HECTD3: variants seen among roughly 807,000 people sequenced by gnomAD.
HECTD3 encodes the protein E3 ubiquitin-protein ligase HECTD3.
A neutral mutation model predicts 109.3 loss-of-function variants in HECTD3; 72 were observed. The ratio of observed to expected loss-of-function variants is 0.66; its 90% confidence interval spans 0.54 to 0.80. The LOEUF (loss-of-function observed/expected upper bound fraction) is 0.80, where lower values mean the gene tolerates loss of function less well. Ranked by LOEUF, HECTD3 falls within the 30% of genes least tolerant of loss-of-function variation. The pLI is 0.00. For missense variants in HECTD3, 1,041 were observed against 1,165.2 expected (o/e 0.89, Z 1.55); for synonymous variants, 481 against 471.8 (o/e 1.02, Z -0.25).
chr1:45,007,573 A>T lies in HECTD3; in HGVS notation c.1343T>A (p.Leu448Gln). The T allele has an allele frequency of 1.2e-6, 2 of 1,611,770 alleles. No homozygotes were observed. The highest frequency in any genetic ancestry group is 1.7e-6 in the Non-Finnish European group (2 of 1,179,970). ...CACCAGGCCTGGCCGCTGGCGGGAC[A>T]GCAGTAGGAACTGCTTCACTTGCTA... ...EIKQVKQFLLLSRQRPGLVAQ... is the reference protein window; with the variant it reads ...EIKQVKQFLLQSRQRPGLVAQ... The change falls in exon 10 of 21, where the codon CTG becomes CAG. Residue 448 changes from leucine (L) to glutamine (Q), a missense_variant. By Grantham distance (113) the Leu-to-Gln change is moderately radical (BLOSUM62 -2). This residue lies in a region of HECTD3 where 569 missense variants were observed against 715.3 expected (regional missense o/e 0.80). Transcript: ENST00000372172.
At position 45,004,268 on chromosome 1, in the gene HECTD3, A is replaced by G; in HGVS notation, c.2252T>C (p.Val751Ala). ...KKVCGDPEVT[V>A]DALRKLTRFE... ...CTCACTGAGCTTGCGCAGAGCATCC[A>G]CAGTGACCTCTGGATCCCCACACAC... The change falls in exon 17 of 21, where the codon GTG becomes GCG. Residue 751 changes from valine (V) to alanine (A), a missense_variant. Physicochemically the swap from Val to Ala is moderately conservative, Grantham distance 64. Coordinates refer to ENST00000372172, the MANE Select transcript of HECTD3 (RefSeq NM_024602.6). 6.2e-7 allele frequency: 1 copy of G among 1,614,034 alleles called. No individual in the cohort carries two copies. The highest frequency in any genetic ancestry group is 8.5e-7 in the Non-Finnish European group (1 of 1,179,896).
chr1:45,004,379 T>C lies in HECTD3; in HGVS notation c.2143-2A>G. The C allele has an allele frequency of 6.2e-7, 1 of 1,614,010 alleles. No homozygotes were observed. Among genetic ancestry groups the C allele is most frequent in the Middle Eastern group, 1.6e-4 (1 of 6,062 alleles). The stretch of plus-strand genomic sequence containing the variant: ...CAGACCTGCCTGCATAGCTGCCACC[T>C]GGGGAGTGGGTAAAAAGGCTTGGCT... On this transcript the variant is annotated splice_acceptor_variant, in intron 16 of 20. Coordinates refer to ENST00000372172, the MANE Select transcript of HECTD3 (RefSeq NM_024602.6). LOFTEE classifies it high-confidence loss of function.
At position 45,011,041 on chromosome 1, in the gene HECTD3, G is replaced by A. The variant is rs948863674; in HGVS notation, c.217C>T (p.Leu73=). 23 of 1,428,348 alleles carry A rather than the reference G, an allele frequency of 1.6e-5. No homozygotes were observed. In the East Asian group the frequency reaches 6.0e-4, roughly 37 times the overall value. The allele number at this position is 1,428,348 out of a possible 1,614,324, so 88.5% of individuals were successfully genotyped here. A position where few individuals can be genotyped will look rare whatever the true frequency, so the allele number is the denominator to read the frequency against. Residue 73 remains leucine (L), a synonymous_variant, in exon 1 of 21, where the codon CTG becomes TTG. Transcript: ENST00000372172. ...LPVWEAEGLG[L]RVGAAGPAPG... is the part of the protein sequence containing the mutation. ...GCTGGGCCTGCGGCGCCCACACGCAGCCCCAGGCCCTCTGCCTCCCACACC... is the reference window on the plus strand; with the variant it reads ...GCTGGGCCTGCGGCGCCCACACGCAACCCCAGGCCCTCTGCCTCCCACACC...
Position 45,003,483 on chromosome 1 carries a change from C to T in HECTD3, c.*9G>A, listed in dbSNP as rs11548990. 0.063 allele frequency: 101,585 copies of T among 1,612,460 alleles called. 3,491 individuals are homozygous for T. The highest frequency in any genetic ancestry group is 0.12 in the East Asian group (5,176 of 44,830). ...GCAGTCTTGCTGGTCCCACAGCCGGCGGCACGCCTCACTCCTCCCAAGGGC... is the reference window on the plus strand; with the variant it reads ...GCAGTCTTGCTGGTCCCACAGCCGGTGGCACGCCTCACTCCTCCCAAGGGC... On this transcript the variant is annotated 3_prime_UTR_variant, in exon 21 of 21. Transcript: ENST00000372172. The surrounding 1 kb of genome is among the most constrained non-coding windows in gnomAD (Gnocchi z 4.7).
rs774311737 is a variant in HECTD3, at chr1:45,006,038, C to T, written c.1804G>A (p.Gly602Arg). 8 of 1,614,146 alleles carry T rather than the reference C, an allele frequency of 5.0e-6. No homozygotes were observed. The highest frequency in any genetic ancestry group is 5.9e-6 in the Non-Finnish European group (7 of 1,180,038). ...CGAAGGGCAGCCCCCATCAGCTGTC[C>T]GATCCATTCATACTTGGCAAAGTCT... ...CRDFAKYEWI[G>R]QLMGAALRGK... is the part of the protein sequence containing the mutation. Residue 602 changes from glycine (G) to arginine (R), a missense_variant, in exon 14 of 21, where the codon GGA becomes AGA. Physicochemically the swap from Gly to Arg is moderately radical, Grantham distance 125. Transcript: ENST00000372172. The surrounding 1 kb of genome is among the most constrained non-coding windows in gnomAD (Gnocchi z 4.7).
At chr1:45,008,191 T>C in intron 9 of HECTD3, 49 bp downstream of exon 9, 1 of 1,427,638 alleles carries the variant, frequency 7.0e-7, no homozygotes, top group Non-Finnish European at 9.9e-7. Flanking sequence ...AACAACTACG[T>C]GAGCAGGAAG....
chr1:45,007,090 G>A, intron 11 of HECTD3, 75 bp from the exon 12 acceptor site: 2 of 1,580,528 alleles, frequency 1.3e-6, no homozygotes, highest in African/African-American at 1.3e-5. Context: ...GAGACCACCT[G>A]GGAAAAGCAG....
chr1:45,008,189 C>T (rs1236034365), intron 9 of HECTD3, 51 bp downstream of exon 9: 29 of 1,407,154 alleles, frequency 2.1e-5, no homozygotes, highest in Non-Finnish European at 2.8e-5. Flanking sequence ...TGAACAACTA[C>T]GTGAGCAGGA....
chr1:45,008,454 C>A, intron 8 of HECTD3, 82 bp downstream of exon 8: 2 of 1,530,988 alleles, frequency 1.3e-6, no homozygotes, highest in South Asian at 1.1e-5. Flanking sequence ...TACTATGAGA[C>A]CTTGGGAACC....
At chr1:45,007,142 G>A in intron 11 of HECTD3, 77 bp downstream of exon 11, 4 of 1,431,108 alleles carry the variant, frequency 2.8e-6, no homozygotes, top group South Asian at 1.2e-5. Context: ...GTGTGTGTGT[G>A]TGTGTGTGTG....
chr1:45,004,983 G>T, intron 15 of HECTD3, 177 bp from the exon 16 acceptor site: 2 of 634,822 alleles, frequency 3.2e-6, no homozygotes, highest in Non-Finnish European at 5.6e-6. Flanking sequence ...CACCTAACCA[G>T]CCTTGGAGGC....
In HECTD3 at chr1:45,004,428, C is replaced by T. The variant is rs774418565; in HGVS notation, c.2143-51G>A. On this transcript the variant is annotated intron_variant, in intron 16 of 20. Coordinates refer to ENST00000372172, the MANE Select transcript of HECTD3 (RefSeq NM_024602.6). Reference sequence around the variant, plus strand: ...CTGGGGAAGAGGGCACACCTCCCGCCTCACACTGGGGGGCATCACTGTGGC... The same window carrying T: ...CTGGGGAAGAGGGCACACCTCCCGCTTCACACTGGGGGGCATCACTGTGGC... 8 of 1,612,838 alleles carry T rather than the reference C, an allele frequency of 5.0e-6. No individual in the cohort carries two copies. The Admixed American group carries it at 1.2e-4, about 24-fold the overall frequency.
In HECTD3 at chr1:45,007,442, G is replaced by C. The variant is rs185691776; in HGVS notation, c.1474C>G (p.Pro492Ala). 4.3e-6 allele frequency: 7 copies of C among 1,614,176 alleles called. No individual in the cohort carries two copies. The African/African-American group carries it at 6.7e-5, about 15-fold the overall frequency. ...GTGAAGACTGCATTCTTGCAGGCAG[G>C]GTCTCGAGAGGGGCAGGCACGGTGT... ...MEHRACPSRD[P>A]ACKNAVFTQV... is the part of the protein sequence containing the mutation. The change falls in exon 10 of 21, where the codon CCT (proline) becomes GCT (alanine). Residue 492 changes from proline to alanine, a missense_variant. Physicochemically the swap from Pro to Ala is conservative, Grantham distance 27. Coordinates refer to ENST00000372172, the MANE Select transcript of HECTD3 (RefSeq NM_024602.6).
At chr1:45,009,290 G>T in intron 6 of HECTD3, 64 bp from the exon 7 acceptor site, 1 of 1,543,948 alleles carries the variant, frequency 6.5e-7, no homozygotes, top group Non-Finnish European at 9.0e-7. Context: ...GACTGCTGGA[G>T]TCTCACTCAA....
intron 15 of HECTD3, chr1:45,005,572 C>T (rs1644728346): frequency 4.7e-6 from 2 of 425,914 alleles, no homozygotes; most frequent in Non-Finnish European, 8.3e-6. Context: ...GGGCAAACGT[C>T]GAGGGTACAG....
In HECTD3 at chr1:45,003,790, T is replaced by A. The variant is rs1271103254; in HGVS notation, c.2430-50A>T. On this transcript the variant is annotated intron_variant, in intron 19 of 20. Transcript: ENST00000372172. The surrounding 1 kb of genome is among the most constrained non-coding windows in gnomAD (Gnocchi z 4.7). ...TCAGGAAGATGTGTTGGGGCACATG[T>A]ACGTGTGTGGGGAGGGAGGACAGAA... 2.5e-6 allele frequency: 4 copies of A among 1,612,426 alleles called. No individual in the cohort carries two copies. Among genetic ancestry groups the A allele is most frequent in the Non-Finnish European group, 3.4e-6 (4 of 1,178,598 alleles).
chr1:45,011,004 C>T lies in HECTD3; in HGVS notation c.254G>A (p.Gly85Asp), dbSNP rs141866763. 2 of 1,456,432 alleles carry T rather than the reference C, an allele frequency of 1.4e-6. No homozygotes were observed. 90.2% of individuals were successfully genotyped at this position (1,456,432 alleles called of 1,614,324 possible). A position where few individuals can be genotyped will look rare whatever the true frequency, so the allele number is the denominator to read the frequency against. The change falls in exon 1 of 21, where the codon GGC becomes GAC. Residue 85 changes from glycine to aspartate, a missense_variant. Transcript: ENST00000372172. Reference protein sequence around the residue: ...VGAAGPAPGTGSGPLRAARDS... With the variant: ...VGAAGPAPGTDSGPLRAARDS... ...GCGGGCGGCGCGGAGGGGCCCGGAG[C>T]CGGTACCGGGGGCTGGGCCTGCGGC...
At chr1:45,009,778 G>T in intron 4 of HECTD3, 95 bp from the exon 5 acceptor site, 1 of 1,159,772 alleles carries the variant, frequency 8.6e-7, no homozygotes, top group Non-Finnish European at 1.3e-6. Context: ...AAAGCATAGT[G>T]AAGTTGGGCT....
Position 45,009,478 on chromosome 1 carries a change from G to A in HECTD3, c.880C>T (p.Leu294=). The change falls in exon 6 of 21, where the codon CTG becomes TTG. Residue 294 remains leucine, a synonymous_variant. Transcript: ENST00000372172. ...TCTGTGGTATCCACTGTGAGTAGCA[G>A]CTTCCTGAAGGGTCAGAGTGTGAAT... ...TMKKGTIVKK[L]LLTVDTTDDN... 1 of 1,613,494 alleles carries A rather than the reference G, an allele frequency of 6.2e-7. No homozygotes were observed. Among genetic ancestry groups the A allele is most frequent in the East Asian group, 2.2e-5 (1 of 44,886 alleles).
Sources: gnomAD v4.1 joint callset for allele counts on GRCh38, gnomAD v4.1.1 for gene constraint, gnomAD v4.1.1 regional missense constraint, Gnocchi (gnomAD v3.1) non-coding constraint, MANE v1.5 for transcripts, NCBI Gene and HGNC (gene_info 2026-07-23, HGNC 2026-07-21) for gene names.